Variants in TNRC6B observed in about 807,000 individuals in gnomAD.
The protein encoded by TNRC6B is trinucleotide repeat-containing gene 6B protein.
A neutral mutation model predicts 203.6 loss-of-function variants in TNRC6B; 52 were observed. That is an observed-to-expected ratio of 0.26 (90% CI 0.20 to 0.32). TNRC6B has a LOEUF of 0.32. Among genes scored for constraint, TNRC6B ranks in the 10% least tolerant of loss-of-function variants. The probability of loss-of-function intolerance (pLI) is 1.00; values close to 1 mark genes in which losing one functional copy is unlikely to be tolerated. For missense variants in TNRC6B, 1,923 were observed against 2,286.2 expected (o/e 0.84, Z 3.24); for synonymous variants, 838 against 845.7 (o/e 0.99, Z 0.16).
chr22:40,065,483 T>C lies in TNRC6B; in HGVS notation c.-121+20485T>C, dbSNP rs117551946. On this transcript the variant is annotated intron_variant, in intron 1 of 23. Coordinates refer to the TNRC6B transcript ENST00000301923. The stretch of plus-strand genomic sequence containing the variant: ...AATTTTTTTTATTATGAATTTAGTT[T>C]ATTATAGGCCTATTCAGATTTTCTG... Among the ~76,000 whole-genome samples, 5 of 152,278 alleles carry C rather than the reference T, an allele frequency of 3.3e-5. No homozygotes were observed. The East Asian group carries it at 7.7e-4, about 23-fold the overall frequency.
intron 3 of TNRC6B, among the ~76,000 whole-genome samples, chr22:40,258,667 A>C (rs1457805398): frequency 6.6e-6 from 1 of 152,188 alleles, no homozygotes; most frequent in Non-Finnish European, 1.5e-5. Context: ...CCTGGGCCAG[A>C]GCACACTGTA....
intron 1 of TNRC6B, among the ~76,000 whole-genome samples, chr22:40,195,399 G>A (rs1276321982): frequency 6.6e-6 from 1 of 152,172 alleles, no homozygotes; most frequent in Non-Finnish European, 1.5e-5. Flanking sequence ...CTAACCTGCT[G>A]GGACCTTTCC....
intron 1 of TNRC6B, among the ~76,000 whole-genome samples, chr22:40,064,050 A>G (rs894893213): frequency 6.6e-6 from 1 of 152,102 alleles, no homozygotes; most frequent in African/African-American, 2.4e-5. Context: ...TTTTTGGTTT[A>G]TTCACTGCTA....
At chr22:40,232,217 C>A (rs541862721) in intron 1 of TNRC6B, among the ~76,000 whole-genome samples, 1 of 152,136 alleles carries the variant, frequency 6.6e-6, no homozygotes, top group Non-Finnish European at 1.5e-5. Context: ...GTATTAGCAG[C>A]GGCATATCAT....
At chr22:40,252,754 A>G (rs923718804) in intron 3 of TNRC6B, among the ~76,000 whole-genome samples, 2 of 152,226 alleles carry the variant, frequency 1.3e-5, no homozygotes, top group African/African-American at 2.4e-5. Flanking sequence ...ACTTGCTTGA[A>G]ATATAAATGA....
chr22:40,048,989 T>A (rs1455785967), intron 1 of TNRC6B, among the ~76,000 whole-genome samples: 1 of 152,132 alleles, frequency 6.6e-6, no homozygotes, highest in Non-Finnish European at 1.5e-5. Flanking sequence ...GCCTCCCAAG[T>A]AGCTGGGATT....
intron 1 of TNRC6B, among the ~76,000 whole-genome samples, chr22:40,075,157 T>TATATATATATATATATATATATA (rs1491547107): frequency 6.7e-4 from 23 of 34,408 alleles, no homozygotes; most frequent in African/African-American, 1.5e-3. Flanking sequence ...TATATATATA[T>TATATATATATATATATATATATA]TTTTTTTTTT....
At chr22:40,146,561 ATTTTTTTTTTTT>A (rs59901929) in intron 3 of TNRC6B, among the ~76,000 whole-genome samples, 1 of 109,240 alleles carries the variant, frequency 9.2e-6, no homozygotes, top group African/African-American at 3.7e-5. Flanking sequence ...CGCCCGGCTA[ATTTTTTTTTTTT>A]TTTTTTTTTT....
At chr22:40,236,824 G>A (rs1301968078) in intron 1 of TNRC6B, among the ~76,000 whole-genome samples, 1 of 152,184 alleles carries the variant, frequency 6.6e-6, no homozygotes, top group Non-Finnish European at 1.5e-5. Context: ...TGGGCTCAGA[G>A]ACATGCATAC....
chr22:40,227,358 CT>C (rs71199278), intron 1 of TNRC6B, among the ~76,000 whole-genome samples: 5,804 of 70,840 alleles, frequency 0.082, 67 homozygotes, highest in East Asian at 0.11. Context: ...CTGAAATTAC[CT>C]TTTTTTTTTT....
chr22:40,322,274 C>T (rs920415237), intron 22 of TNRC6B, among the ~76,000 whole-genome samples: 4 of 152,220 alleles, frequency 2.6e-5, no homozygotes, highest in Non-Finnish European at 5.9e-5. Flanking sequence ...TCTGTCATAT[C>T]TCCTGCTGCC....
At chr22:40,253,819 CCTTCTT>C (rs3833937) in intron 3 of TNRC6B, 2 of 427,932 alleles carry the variant, frequency 4.7e-6, no homozygotes, top group South Asian at 1.7e-5. Flanking sequence ...CTGTAAATCT[CCTTCTT>C]CTTCTCTTAC....
intron 1 of TNRC6B, among the ~76,000 whole-genome samples, chr22:40,188,436 T>C (rs964845962): frequency 6.6e-6 from 1 of 152,224 alleles, no homozygotes; most frequent in Non-Finnish European, 1.5e-5. Context: ...ATTTTTGTTT[T>C]TCTTTAGAAG....
intron 22 of TNRC6B, among the ~76,000 whole-genome samples, chr22:40,322,589 G>A (rs1234057269): frequency 2.0e-5 from 3 of 152,142 alleles, no homozygotes; most frequent in Non-Finnish European, 4.4e-5. Flanking sequence ...GTATTCTCTA[G>A]TAGTCCTTGG....
At chr22:40,154,346 C>A (rs899092927) in intron 3 of TNRC6B, among the ~76,000 whole-genome samples, 1 of 151,708 alleles carries the variant, frequency 6.6e-6, no homozygotes, top group African/African-American at 2.4e-5. Context: ...CGCCTGTAAT[C>A]CCAGCTACTC....
chr22:40,048,896 A>G (rs1232972791), intron 1 of TNRC6B, among the ~76,000 whole-genome samples: 1 of 151,726 alleles, frequency 6.6e-6, no homozygotes, highest in Non-Finnish European at 1.5e-5. Flanking sequence ...GCTGGAGTGA[A>G]GTGGCATGAT....
Position 40,315,300 on chromosome 22 carries a change from A to C in TNRC6B, c.4696A>C (p.Lys1566Gln), listed in dbSNP as rs1030494875. 1 of 1,614,000 alleles carries C rather than the reference A, an allele frequency of 6.2e-7. No individual in the cohort carries two copies. The highest frequency in any genetic ancestry group is 8.5e-7 in the Non-Finnish European group (1 of 1,179,878). The change falls in exon 20 of 23, where the codon AAA becomes CAA. Residue 1566 changes from lysine to glutamine, a missense_variant. By Grantham distance (53) the Lys-to-Gln change is moderately conservative. Transcript: ENST00000454349. ...TCTTACAGCAAAGTTCCCTGATTAC[A>C]AATCAACATGGTCCCCAGATCCCAT... ...HSTSAKFPDY[K>Q]STWSPDPIGH...
chr22:40,160,476 C>CAAAA (rs10668307), intron 4 of TNRC6B, among the ~76,000 whole-genome samples: 16 of 128,040 alleles, frequency 1.2e-4, no homozygotes, highest in African/African-American at 3.8e-4. Context: ...AACTCCGTCT[C>CAAAA]AAAAAAAAAA....
intron 1 of TNRC6B, among the ~76,000 whole-genome samples, chr22:40,063,480 T>C (rs919316887): frequency 2.6e-5 from 4 of 152,244 alleles, no homozygotes; most frequent in Admixed American, 2.0e-4. Context: ...GTGATAGAAA[T>C]GTGCTGAACT....
Sources: gnomAD v4.1 joint callset for allele counts (sites outside exome capture counted in the v4.1 genomes callset) on GRCh38, gnomAD v4.1.1 for gene constraint, MANE v1.5 for transcripts, NCBI Gene and HGNC (gene_info 2026-07-23, HGNC 2026-07-21) for gene names.